Variants in MAOA observed in about 807,000 individuals in gnomAD.
MAOA encodes the protein monoamine oxidase A.
Under a neutral mutation model 42.0 loss-of-function variants are expected in MAOA, and 6 were observed. That is an observed-to-expected ratio of 0.14 (90% CI 0.08 to 0.28). The LOEUF (loss-of-function observed/expected upper bound fraction) is 0.28, where lower values mean the gene tolerates loss of function less well. MAOA is among the 10% of genes least tolerant of loss of function. MAOA has a pLI of 1.00. For synonymous variants in MAOA, 140 were observed against 154.0 expected (o/e 0.91, Z 0.67); for missense variants, 262 against 422.3 (o/e 0.62, Z 3.33).
chrX:43,681,886 T>A (rs1288783987), intron 1 of MAOA, among the ~76,000 whole-genome samples: 7 of 104,633 alleles, frequency 6.7e-5, no homozygotes, highest in African/African-American at 2.5e-4. Context: ...ATATATTTTT[T>A]TTTTTTTTTC....
chrX:43,684,946 T>G (rs1399281259), intron 2 of MAOA, among the ~76,000 whole-genome samples: 3 of 102,824 alleles, frequency 2.9e-5, no homozygotes, highest in African/African-American at 1.1e-4. Context: ...GGTGCGATCT[T>G]GGCTCACTGC....
At chrX:43,683,339 A>G (rs1316490049) in intron 1 of MAOA, among the ~76,000 whole-genome samples, 174 bp from the exon 2 acceptor site, 1 of 112,149 alleles carries the variant, frequency 8.9e-6, no homozygotes. Flanking sequence ...CCCTTATGAC[A>G]GATAATAAAA....
rs397717487 is a variant in MAOA at position 43,657,273 on chromosome X, T to TTA, written c.73+875_73+876dup. Among the ~76,000 whole-genome samples, 71 of 79,429 alleles carry TTA rather than the reference T, an allele frequency of 8.9e-4. 5 individuals are homozygous for TTA. Among genetic ancestry groups the TTA allele is most frequent in the East Asian group, 1.2e-3 (3 of 2,561 alleles). The allele number at this position is 79,429 out of a possible 115,157, so 69.0% of individuals were successfully genotyped here. ...TTATATATATATATATGAACTGTGTTTATATATATATATATATGAACTGTG... is the reference window on the plus strand; with the variant it reads ...TTATATATATATATATGAACTGTGTTTATATATATATATATATATGAACTGTG... On this transcript the variant is annotated intron_variant, in intron 1 of 14. Coordinates refer to ENST00000338702, the MANE Select transcript of MAOA (RefSeq NM_000240.4).
chrX:43,704,566 T>C (rs1470118091), intron 3 of MAOA, among the ~76,000 whole-genome samples: 2 of 111,368 alleles, frequency 1.8e-5, no homozygotes, highest in East Asian at 5.6e-4. Flanking sequence ...GCTTTCCTTC[T>C]AAAATCAGGA....
At chrX:43,720,449 C>T (rs547705794) in intron 5 of MAOA, among the ~76,000 whole-genome samples, 5 of 108,582 alleles carry the variant, frequency 4.6e-5, no homozygotes, top group African/African-American at 1.4e-4. Flanking sequence ...GAAGGATGGA[C>T]GTTGTGGGGG....
At chrX:43,724,866 A>G (rs1296097371) in intron 5 of MAOA, among the ~76,000 whole-genome samples, 1 of 112,189 alleles carries the variant, frequency 8.9e-6, no homozygotes, top group African/African-American at 3.2e-5. Context: ...AGATTCTGGT[A>G]CGTTGTGTCT....
At chrX:43,655,427 C>G (rs1241558181), upstream of MAOA, 2 of 111,940 alleles carry the variant, frequency 1.8e-5, no homozygotes, top group African/African-American at 6.5e-5. Context: ...TCAGCACTAC[C>G]GGTCTTAGCG....
At chrX:43,716,208 T>G (rs2033742800) in intron 5 of MAOA, among the ~76,000 whole-genome samples, 1 of 111,417 alleles carries the variant, frequency 9.0e-6, no homozygotes, top group Non-Finnish European at 1.9e-5. Context: ...AGATCGTATC[T>G]TCCAGGAATG....
At chrX:43,725,959 G>T (rs1172136354) in intron 5 of MAOA, among the ~76,000 whole-genome samples, 1 of 111,736 alleles carries the variant, frequency 8.9e-6, no homozygotes, top group African/African-American at 3.3e-5. Flanking sequence ...TGAAATTCTG[G>T]GTTGAAAATT....
intron 12 of MAOA, 28 bp from the exon 13 acceptor site, chrX:43,743,764 ACT>A: frequency 1.7e-6 from 2 of 1,163,769 alleles, no homozygotes; most frequent in Non-Finnish European, 2.3e-6. Flanking sequence ...TTCCCAAGTA[ACT>A]CTGTGTAACC....
intron 10 of MAOA, among the ~76,000 whole-genome samples, chrX:43,738,179 A>T (rs1430050420): frequency 3.6e-5 from 4 of 112,377 alleles, no homozygotes; most frequent in Non-Finnish European, 7.5e-5. Context: ...AAACCAGTGA[A>T]TAAGTTCAAC....
In MAOA at chrX:43,658,011, T is replaced by G. The variant is rs141840849; in HGVS notation, c.73+1597T>G. ...TTTCAGCTTGTTTCTCTTTATTTATTTATGTATTTATTTATTCATTCAAAA... is the reference window on the plus strand; with the variant it reads ...TTTCAGCTTGTTTCTCTTTATTTATGTATGTATTTATTTATTCATTCAAAA... On this transcript the variant is annotated intron_variant, in intron 1 of 14. Coordinates refer to ENST00000338702, the MANE Select transcript of MAOA (RefSeq NM_000240.4). The G allele has an allele frequency of 1.4e-5, 8 of 590,324 alleles. No individual in the cohort carries two copies. In the East Asian group the frequency reaches 1.4e-3, roughly 100 times the overall value. 48.6% of individuals were successfully genotyped at this position (590,324 alleles called of 1,213,427 possible).
chrX:43,704,457 C>T (rs1416921840), intron 3 of MAOA, among the ~76,000 whole-genome samples: 2 of 111,116 alleles, frequency 1.8e-5, no homozygotes, highest in Non-Finnish European at 3.8e-5. Context: ...GATAAAACCA[C>T]TAGAAAAACT....
At chrX:43,742,876 C>G (rs1248652546) in intron 12 of MAOA, among the ~76,000 whole-genome samples, 1 of 99,708 alleles carries the variant, frequency 1.0e-5, no homozygotes, top group Non-Finnish European at 2.0e-5. Context: ...ATTTATTAAC[C>G]TTTTCGTTAC....
intron 1 of MAOA, among the ~76,000 whole-genome samples, chrX:43,659,215 A>G (rs761598176): frequency 3.7e-4 from 42 of 112,013 alleles, no homozygotes; most frequent in Non-Finnish European, 7.7e-4. Flanking sequence ...ATTATAAAAC[A>G]TAAAATAGAC....
chrX:43,708,621 G>T (rs1287134810), intron 3 of MAOA, among the ~76,000 whole-genome samples: 2 of 110,366 alleles, frequency 1.8e-5, no homozygotes, highest in East Asian at 5.7e-4. Context: ...TTTATCAACA[G>T]CAAAGAAGTT....
chrX:43,730,146 A>G (rs1467744836), intron 6 of MAOA, among the ~76,000 whole-genome samples: 1 of 101,773 alleles, frequency 9.8e-6, no homozygotes, highest in Non-Finnish European at 2.0e-5. Context: ...GTGAGCCAAG[A>G]TTGCGCCATT....
chrX:43,715,032 C>G (rs985527879), intron 5 of MAOA, among the ~76,000 whole-genome samples: 5 of 110,305 alleles, frequency 4.5e-5, no homozygotes, highest in South Asian at 7.8e-4. Flanking sequence ...ACCCACAGGG[C>G]AAGGGGTAGA....
intron 5 of MAOA, among the ~76,000 whole-genome samples, chrX:43,723,406 T>G (rs1166569464): frequency 9.0e-6 from 1 of 111,643 alleles, no homozygotes; most frequent in Non-Finnish European, 1.9e-5. Flanking sequence ...GTCCTTCACA[T>G]CCCTTATAAA....
Sources: gnomAD v4.1 joint callset for allele counts (sites outside exome capture counted in the v4.1 genomes callset) on GRCh38, gnomAD v4.1.1 for gene constraint, MANE v1.5 for transcripts, NCBI Gene and HGNC (gene_info 2026-07-23, HGNC 2026-07-21) for gene names.